The following GRAMD1C variants were observed in gnomAD, a reference collection of about 807,000 sequenced individuals.
The protein encoded by GRAMD1C is protein Aster-C.
In GRAMD1C, 89 loss-of-function variants were observed where a neutral mutation model predicts 97.8. The observed-to-expected ratio is 0.91, with a 90% CI of 0.77 to 1.09. The LOEUF (loss-of-function observed/expected upper bound fraction) is 1.09. Ranked by LOEUF, GRAMD1C falls within the 50% of genes least tolerant of loss-of-function variation. GRAMD1C has a pLI of 0.00. For missense variants in GRAMD1C, 740 were observed against 766.4 expected, an observed-to-expected ratio of 0.97 and a Z score of 0.41; for synonymous variants, 256 against 267.0, an observed-to-expected ratio of 0.96 and a Z score of 0.40.
intron 17 of GRAMD1C, among the ~76,000 whole-genome samples, chr3:113,941,586 T>C (rs1188408163): frequency 6.6e-6 from 1 of 152,116 alleles, no homozygotes; most frequent in Non-Finnish European, 1.5e-5. Flanking sequence ...AGCTATCATT[T>C]TTCTGAATGA....
rs1938053110 is a variant in GRAMD1C at position 113,945,966 on chromosome 3, T to C, written c.*488T>C. 1 of 152,658 alleles carries C rather than the reference T, an allele frequency of 6.6e-6. No homozygotes were observed. Among genetic ancestry groups the C allele is most frequent in the South Asian group, 2.1e-4 (1 of 4,844 alleles). 9.5% of individuals were successfully genotyped at this position (152,658 alleles called of 1,614,324 possible). Reference sequence around the variant, plus strand: ...CAGGCATATAACATTTCCAGGTTTGTGTACTGTAAAGATTATAATGTCTTC... The same window carrying C: ...CAGGCATATAACATTTCCAGGTTTGCGTACTGTAAAGATTATAATGTCTTC... On this transcript the variant is annotated 3_prime_UTR_variant, in exon 18 of 18. Transcript: ENST00000358160.
chr3:113,843,836 G>A (rs577095571), intron 1 of GRAMD1C, among the ~76,000 whole-genome samples: 7 of 152,244 alleles, frequency 4.6e-5, no homozygotes, highest in South Asian at 4.2e-4. Context: ...ATTGATGGAC[G>A]GTGAGGTTAT....
intron 12 of GRAMD1C, 49 bp downstream of exon 12, chr3:113,933,702 G>A (rs771570329): frequency 9.1e-6 from 12 of 1,319,338 alleles, no homozygotes; most frequent in Non-Finnish European, 1.3e-5. Flanking sequence ...TTATGTCCTG[G>A]TAATTTATTC....
chr3:113,925,474 AAAAC>A (rs146296542), intron 10 of GRAMD1C, among the ~76,000 whole-genome samples: 54,947 of 150,616 alleles, frequency 0.36, 10,510 homozygotes, highest in South Asian at 0.57. Context: ...TGTGTCTCAA[AAAAC>A]AAACAAACAA....
chr3:113,944,681 A>G (rs1005023311), intron 17 of GRAMD1C, among the ~76,000 whole-genome samples: 4 of 152,222 alleles, frequency 2.6e-5, no homozygotes, highest in Non-Finnish European at 5.9e-5. Flanking sequence ...ATAGTTCTGG[A>G]TCCCTGACTA....
intron 10 of GRAMD1C, chr3:113,919,464 A>G (rs1936956465): frequency 3.9e-6 from 2 of 518,826 alleles, no homozygotes; most frequent in Admixed American, 2.2e-5. Flanking sequence ...TACAATGACA[A>G]GAGTAATGCT....
At chr3:113,841,285 C>CTTTCTTTTTTT (rs1553714128) in intron 1 of GRAMD1C, among the ~76,000 whole-genome samples, 3 of 94,338 alleles carry the variant, frequency 3.2e-5, no homozygotes, top group African/African-American at 7.7e-5. Context: ...TTCTTTCTTT[C>CTTTCTTTTTTT]TTTTTTTTTT....
intron 6 of GRAMD1C, chr3:113,885,510 A>G: frequency 6.2e-7 from 1 of 1,606,524 alleles, no homozygotes; most frequent in Non-Finnish European, 8.5e-7. Flanking sequence ...TGGATGAGAC[A>G]CTTATTCACT....
At chr3:113,874,833 A>G (rs570727253) in intron 3 of GRAMD1C, among the ~76,000 whole-genome samples, 2 of 152,290 alleles carry the variant, frequency 1.3e-5, no homozygotes, top group African/African-American at 4.8e-5. Flanking sequence ...AGTCACCATC[A>G]ACTTTTCTCT....
At chr3:113,913,883 C>A (rs1271161178) in intron 9 of GRAMD1C, among the ~76,000 whole-genome samples, 1 of 152,116 alleles carries the variant, frequency 6.6e-6, no homozygotes, top group Non-Finnish European at 1.5e-5. Context: ...AAAAAGTAAA[C>A]CATCCCAGGA....
chr3:113,943,557 C>T (rs1577233319), intron 17 of GRAMD1C, among the ~76,000 whole-genome samples: 2 of 152,270 alleles, frequency 1.3e-5, no homozygotes, highest in African/African-American at 2.4e-5. Flanking sequence ...TAATACAATA[C>T]GTGGTCTTTT....
intron 6 of GRAMD1C, among the ~76,000 whole-genome samples, chr3:113,888,424 T>C (rs550375066): frequency 6.6e-6 from 1 of 152,316 alleles, no homozygotes; most frequent in African/African-American, 2.4e-5. Flanking sequence ...TGCACCATGC[T>C]GACTACAGTT....
chr3:113,854,867 A>T (rs1292637626), intron 2 of GRAMD1C, among the ~76,000 whole-genome samples: 1 of 152,264 alleles, frequency 6.6e-6, no homozygotes, highest in Non-Finnish European at 1.5e-5. Flanking sequence ...GGGATATTTA[A>T]TAAGGCTTCA....
intron 4 of GRAMD1C, chr3:113,875,913 C>T (rs192214294): frequency 1.4e-4 from 60 of 420,686 alleles, no homozygotes; most frequent in African/African-American, 1.2e-3. Context: ...GCATGAACAC[C>T]CACATGTCTT....
chr3:113,847,339 C>T (rs1247798359), intron 2 of GRAMD1C, among the ~76,000 whole-genome samples: 2 of 151,970 alleles, frequency 1.3e-5, no homozygotes, highest in African/African-American at 4.8e-5. Flanking sequence ...CATATGAAAC[C>T]ATGCTATTAT....
At chr3:113,894,887 A>G (rs1170449758) in intron 6 of GRAMD1C, among the ~76,000 whole-genome samples, 1 of 152,176 alleles carries the variant, frequency 6.6e-6, no homozygotes. Context: ...ATGTTACTCT[A>G]GCTTCTATTT....
intron 1 of GRAMD1C, among the ~76,000 whole-genome samples, chr3:113,843,408 C>A (rs35725939): frequency 0.32 from 48,058 of 148,316 alleles, 8,228 homozygotes; most frequent in Admixed American, 0.39. Flanking sequence ...CTCCTCCTTA[C>A]TCCCCTATTC....
In GRAMD1C at chr3:113,844,701, A is replaced by G. The variant is rs145377695; in HGVS notation, c.174+52A>G. 13,066 of 1,332,970 alleles carry G rather than the reference A, an allele frequency of 9.8e-3. 94 individuals are homozygous for G. Among genetic ancestry groups the G allele is most frequent in the Middle Eastern group, 0.03 (162 of 5,366 alleles). 82.6% of individuals were successfully genotyped at this position (1,332,970 alleles called of 1,614,324 possible). A position where few individuals can be genotyped will look rare whatever the true frequency, so the allele number is the denominator to read the frequency against. On this transcript the variant is annotated intron_variant, in intron 2 of 17. Transcript: ENST00000358160. ...TTAATCTTGAATACAAATTTTCTTT[A>G]AATCTGCAAGGAGTCATATAGTATT...
At chr3:113,854,605 G>A (rs1934045905) in intron 2 of GRAMD1C, among the ~76,000 whole-genome samples, 1 of 152,088 alleles carries the variant, frequency 6.6e-6, no homozygotes, top group African/African-American at 2.4e-5. Context: ...TGACTAAAGT[G>A]CCAGCTTTTG....
Sources: allele counts gnomAD v4.1 joint callset (sites outside exome capture counted in the v4.1 genomes callset), GRCh38; gene constraint gnomAD v4.1.1; transcripts MANE v1.5; gene names NCBI Gene and HGNC (gene_info 2026-07-23, HGNC 2026-07-21).